The following SLC38A1 variants were observed in gnomAD, a reference collection of about 807,000 sequenced individuals.
SLC38A1 encodes the protein sodium-coupled neutral amino acid symporter 1.
SLC38A1 carries 18 observed loss-of-function variants against 60.3 expected under a neutral mutation model. The ratio of observed to expected loss-of-function variants is 0.30; its 90% CI spans 0.21 to 0.44. The LOEUF (loss-of-function observed/expected upper bound fraction) is 0.44, where lower values mean the gene tolerates loss of function less well. Ranked by LOEUF, SLC38A1 falls within the 20% of genes least tolerant of loss-of-function variation. The probability of loss-of-function intolerance (pLI) is 1.00; values close to 1 mark genes in which losing one functional copy is unlikely to be tolerated. For synonymous variants in SLC38A1, 196 were observed against 212.1 expected, an observed-to-expected ratio of 0.92 and a Z score of 0.66; for missense variants, 448 against 587.2, an observed-to-expected ratio of 0.76 and a Z score of 2.45.
At chr12:46,248,292 T>C (rs572031015) in intron 1 of SLC38A1, among the ~76,000 whole-genome samples, 273 of 152,154 alleles carry the variant, frequency 1.8e-3, no homozygotes, top group Admixed American at 5.0e-3. Flanking sequence ...AAGAGACCCA[T>C]CTCACGTGCA....
At chr12:46,235,050 A>G (rs1941211780) in intron 3 of SLC38A1, among the ~76,000 whole-genome samples, 1 of 152,210 alleles carries the variant, frequency 6.6e-6, no homozygotes, top group Non-Finnish European at 1.5e-5. Flanking sequence ...TGCTCTGTGA[A>G]CAAACAAAAC....
rs112802128 is a variant in SLC38A1, at chr12:46,253,356, G to A, written c.-208-10042C>T. The stretch of plus-strand genomic sequence containing the variant: ...AGAATGGCTACTCCACAGACAGAGC[G>A]GCCCCAAGGGCTGCTGGTTGCCCAT... On this transcript the variant is annotated intron_variant, in intron 1 of 16. Transcript: ENST00000398637. 1.7e-3 allele frequency among the ~76,000 whole-genome samples: 257 copies of A among 152,294 alleles called. 1 individual carries two copies. The highest frequency in any genetic ancestry group is 5.5e-3 in the African/African-American group (227 of 41,550).
chr12:46,219,702 T>G (rs1330471693), intron 5 of SLC38A1, among the ~76,000 whole-genome samples: 1 of 152,222 alleles, frequency 6.6e-6, no homozygotes, highest in Non-Finnish European at 1.5e-5. Flanking sequence ...TGCTCTACTG[T>G]GATAACTCCA....
rs1019968276 is a variant in SLC38A1, at chr12:46,184,921, C to T, written c.*4049G>A. On this transcript the variant is annotated 3_prime_UTR_variant, in exon 17 of 17. Coordinates refer to ENST00000398637, the MANE Select transcript of SLC38A1 (RefSeq NM_030674.4). ...GCCTGTGTTTAGGAATTTGCACCTGCGCTGCTATTTTCAACGAGAAGGGGA... is the reference window on the plus strand; with the variant it reads ...GCCTGTGTTTAGGAATTTGCACCTGTGCTGCTATTTTCAACGAGAAGGGGA... 2.6e-5 allele frequency: 4 copies of T among 152,020 alleles called. No individual in the cohort carries two copies. Among genetic ancestry groups the T allele is most frequent in the Non-Finnish European group, 5.9e-5 (4 of 68,030 alleles). 9.4% of individuals were successfully genotyped at this position (152,020 alleles called of 1,614,324 possible). A position where few individuals can be genotyped will look rare whatever the true frequency, so the allele number is the denominator to read the frequency against.
intron 3 of SLC38A1, among the ~76,000 whole-genome samples, chr12:46,232,448 T>C (rs1470475704): frequency 6.6e-6 from 1 of 152,246 alleles, no homozygotes; most frequent in East Asian, 1.9e-4. Context: ...AGGCAAACTC[T>C]GGTGGTTGTA....
At chr12:46,194,446 T>G (rs1394308562) in intron 16 of SLC38A1, among the ~76,000 whole-genome samples, 1 of 152,194 alleles carries the variant, frequency 6.6e-6, no homozygotes, top group African/African-American at 2.4e-5. Context: ...CTTTGTGGTG[T>G]TCTCTGTATT....
intron 5 of SLC38A1, among the ~76,000 whole-genome samples, chr12:46,217,928 T>C (rs1262545890): frequency 6.6e-6 from 1 of 152,202 alleles, no homozygotes; most frequent in African/African-American, 2.4e-5. Flanking sequence ...TAAACTAGCC[T>C]CACTGTCAGT....
At chr12:46,260,508 G>T (rs574745481) in intron 1 of SLC38A1, among the ~76,000 whole-genome samples, 10 of 152,266 alleles carry the variant, frequency 6.6e-5, no homozygotes, top group African/African-American at 2.4e-4. Context: ...TGAAAGAGAG[G>T]TTATCTCTCA....
At chr12:46,210,409 C>T (rs1316939135) in intron 5 of SLC38A1, among the ~76,000 whole-genome samples, 1 of 152,162 alleles carries the variant, frequency 6.6e-6, no homozygotes, top group Non-Finnish European at 1.5e-5. Context: ...AAAGAACAGA[C>T]CTAACACTTT....
At chr12:46,199,528 T>C (rs1001364168) in intron 13 of SLC38A1, among the ~76,000 whole-genome samples, 1 of 151,668 alleles carries the variant, frequency 6.6e-6, no homozygotes. Flanking sequence ...TTTTGTATTT[T>C]TTTTTTTTTT....
At chr12:46,195,968 A>C (rs1939356851) in intron 16 of SLC38A1, 6 of 558,838 alleles carry the variant, frequency 1.1e-5, no homozygotes, top group South Asian at 9.5e-5. Context: ...CCCACTGTCC[A>C]ACCAGTCCCA....
intron 1 of SLC38A1, among the ~76,000 whole-genome samples, chr12:46,255,272 A>T (rs1941983364): frequency 6.6e-6 from 1 of 152,240 alleles, no homozygotes; most frequent in African/African-American, 2.4e-5. Context: ...AATTTGGGTT[A>T]CCTCTGTGCA....
At chr12:46,212,018 T>C (rs749117538) in intron 5 of SLC38A1, among the ~76,000 whole-genome samples, 1 of 152,210 alleles carries the variant, frequency 6.6e-6, no homozygotes, top group Non-Finnish European at 1.5e-5. Context: ...TAGAAAAGTA[T>C]ACCTCCTTGT....
At chr12:46,205,843 C>T (rs1455015094) in intron 9 of SLC38A1, among the ~76,000 whole-genome samples, 2 of 152,028 alleles carry the variant, frequency 1.3e-5, no homozygotes, top group African/African-American at 4.8e-5. Context: ...CTGTCCTGGC[C>T]CCAGGACCTC....
chr12:46,229,718 C>A, intron 3 of SLC38A1, 79 bp from the exon 4 acceptor site: 1 of 1,225,946 alleles, frequency 8.2e-7, no homozygotes, highest in South Asian at 1.2e-5. Context: ...ATATGTTACT[C>A]ATCAAAACAT....
Position 46,208,974 on chromosome 12 carries a change from G to A in SLC38A1, c.388+80C>T, listed in dbSNP as rs546316462. On this transcript the variant is annotated intron_variant, in intron 6 of 16. Coordinates refer to ENST00000398637, the MANE Select transcript of SLC38A1 (RefSeq NM_030674.4). ...TTTAATAATCAAATTGCTGTACAGA[G>A]AGAACATCATTGTTCCACAATGCTA... is the stretch of plus-strand genomic sequence containing the variant. 181 of 977,216 alleles carry A rather than the reference G, an allele frequency of 1.9e-4. No homozygotes were observed. The African/African-American group carries it at 2.7e-3, about 15-fold the overall frequency. 60.5% of individuals were successfully genotyped at this position (977,216 alleles called of 1,614,324 possible).
chr12:46,229,130 A>G (rs1940973405), intron 5 of SLC38A1, 23 bp downstream of exon 5: 2 of 1,383,894 alleles, frequency 1.4e-6, no homozygotes, highest in African/African-American at 2.9e-5. Flanking sequence ...TAAAATGGAA[A>G]GTACCGGCAC....
chr12:46,197,686 TC>T (rs1163307275), intron 16 of SLC38A1, 33 bp downstream of exon 16: 1 of 1,321,722 alleles, frequency 7.6e-7, no homozygotes, highest in African/African-American at 1.5e-5. Flanking sequence ...GGAAAACTAA[TC>T]AGAAAAGTTA....
intron 5 of SLC38A1, among the ~76,000 whole-genome samples, chr12:46,219,502 C>T (rs1940564326): frequency 6.6e-6 from 1 of 152,190 alleles, no homozygotes; most frequent in South Asian, 2.1e-4. Context: ...CTGTCCCTTG[C>T]TGACCCCTGA....
Sources: gnomAD v4.1 joint callset for allele counts (sites outside exome capture counted in the v4.1 genomes callset) on GRCh38, gnomAD v4.1.1 for gene constraint, MANE v1.5 for transcripts, NCBI Gene and HGNC (gene_info 2026-07-23, HGNC 2026-07-21) for gene names.